HCN1: variants seen among roughly 807,000 people sequenced by gnomAD.
The protein encoded by HCN1 is hyperpolarization activated cyclic nucleotide gated potassium channel 1.
In HCN1, 13 loss-of-function variants were observed where a neutral mutation model predicts 78.9. That is an observed-to-expected ratio of 0.16 (90% CI 0.11 to 0.26). The LOEUF (loss-of-function observed/expected upper bound fraction) is 0.26, where lower values mean the gene tolerates loss of function less well. Ranked by LOEUF, HCN1 falls within the 10% of genes least tolerant of loss-of-function variation. The probability of loss-of-function intolerance (pLI) is 1.00; values close to 1 mark genes in which losing one functional copy is unlikely to be tolerated. For missense variants in HCN1, 810 were observed against 1,154.3 expected, an observed-to-expected ratio of 0.70 and a Z score of 4.32; for synonymous variants, 552 against 455.5, an observed-to-expected ratio of 1.21 and a Z score of -2.70.
At chr5:45,263,602 T>A (rs1413040854) in intron 7 of HCN1, among the ~76,000 whole-genome samples, 1 of 152,134 alleles carries the variant, frequency 6.6e-6, no homozygotes, top group Non-Finnish European at 1.5e-5. Context: ...TGACCCAGTG[T>A]CTTACACCAG....
At chr5:45,383,556 A>C (rs1747854127) in intron 4 of HCN1, among the ~76,000 whole-genome samples, 1 of 152,042 alleles carries the variant, frequency 6.6e-6, no homozygotes, top group African/African-American at 2.4e-5. Flanking sequence ...TTAGCCAGGC[A>C]TGGTGGCACA....
At chr5:45,373,584 A>T (rs914187922) in intron 4 of HCN1, among the ~76,000 whole-genome samples, 1 of 138,744 alleles carries the variant, frequency 7.2e-6, no homozygotes, top group African/African-American at 2.7e-5. Context: ...CGTCATCTAT[A>T]ATATATTACA....
intron 3 of HCN1, among the ~76,000 whole-genome samples, chr5:45,426,468 C>T (rs922790432): frequency 6.6e-6 from 1 of 152,134 alleles, no homozygotes; most frequent in African/African-American, 2.4e-5. Flanking sequence ...TGAGTTTTAC[C>T]TGTGCTGTTC....
chr5:45,653,645 T>C (rs566625018), intron 1 of HCN1, among the ~76,000 whole-genome samples: 3 of 152,040 alleles, frequency 2.0e-5, no homozygotes, highest in Middle Eastern at 3.4e-3. Flanking sequence ...TTAGTATCTG[T>C]GTTAATGAGG....
chr5:45,423,540 C>G (rs1740271273), intron 3 of HCN1, among the ~76,000 whole-genome samples: 1 of 152,204 alleles, frequency 6.6e-6, no homozygotes, highest in Non-Finnish European at 1.5e-5. Flanking sequence ...TTCTACATGT[C>G]TGGAAAACTG....
intron 2 of HCN1, among the ~76,000 whole-genome samples, chr5:45,631,610 A>G (rs1469309487): frequency 6.6e-6 from 1 of 152,166 alleles, no homozygotes; most frequent in Non-Finnish European, 1.5e-5. Flanking sequence ...CTCACAGACT[A>G]CATACTGGAG....
At chr5:45,578,113 T>C (rs1202475640) in intron 2 of HCN1, among the ~76,000 whole-genome samples, 1 of 151,892 alleles carries the variant, frequency 6.6e-6, no homozygotes, top group African/African-American at 2.4e-5. Context: ...TAAGAAAAGG[T>C]TTAGTTGTTG....
At chr5:45,464,758 C>G (rs1741233792) in intron 2 of HCN1, among the ~76,000 whole-genome samples, 1 of 152,050 alleles carries the variant, frequency 6.6e-6, no homozygotes, top group Non-Finnish European at 1.5e-5. Context: ...GATACTCTGG[C>G]AGGCATAATC....
At chr5:45,480,282 C>G (rs1741620947) in intron 2 of HCN1, 1 of 152,244 alleles carries the variant, frequency 6.6e-6, no homozygotes, top group Admixed American at 6.5e-5. Context: ...CCTGACACCC[C>G]ATGCTTCCAT....
chr5:45,582,376 C>T (rs1237716299), intron 2 of HCN1, among the ~76,000 whole-genome samples: 1 of 152,066 alleles, frequency 6.6e-6, no homozygotes, highest in Admixed American at 6.6e-5. Flanking sequence ...ATTTTGTATC[C>T]TGAGACTTTG....
intron 2 of HCN1, among the ~76,000 whole-genome samples, chr5:45,507,310 C>T (rs978806885): frequency 6.6e-6 from 1 of 152,132 alleles, no homozygotes; most frequent in Admixed American, 6.6e-5. Context: ...CAGCCAAGTT[C>T]CAATTCATCA....
rs34016747 is a variant in HCN1 at position 45,271,359 on chromosome 5, T to TACACACACACAC, written c.1619-4118_1619-4107dup. Among the ~76,000 whole-genome samples the TACACACACACAC allele has an allele frequency of 1.9e-4, 26 of 137,408 alleles. No individual in the cohort carries two copies. The South Asian group carries it at 2.3e-3, about 12-fold the overall frequency. The allele number at this position is 137,408 out of a possible 152,430, so 90.1% of individuals were successfully genotyped here. On this transcript the variant is annotated intron_variant, in intron 6 of 7. Coordinates refer to ENST00000303230, the MANE Select transcript of HCN1 (RefSeq NM_021072.4). ...ATGTCTGGTTTCCTGCTGATTCAGG[T>TACACACACACAC]ACACACACACACACACACACACACA...
chr5:45,448,740 T>C (rs1054024460), intron 3 of HCN1, among the ~76,000 whole-genome samples: 1 of 152,182 alleles, frequency 6.6e-6, no homozygotes, highest in Non-Finnish European at 1.5e-5. Flanking sequence ...TACCAATACA[T>C]TGATAGGGAA....
At chr5:45,510,623 C>G (rs989774754) in intron 2 of HCN1, among the ~76,000 whole-genome samples, 1 of 151,938 alleles carries the variant, frequency 6.6e-6, no homozygotes, top group Non-Finnish European at 1.5e-5. Flanking sequence ...AATTTTACTC[C>G]TCTCTCGTTT....
At chr5:45,675,696 T>C (rs150075388) in intron 1 of HCN1, among the ~76,000 whole-genome samples, 1 of 151,854 alleles carries the variant, frequency 6.6e-6, no homozygotes, top group Admixed American at 6.6e-5. Flanking sequence ...AGGCCATCTC[T>C]ATAGCTCCCA....
rs556262571 is a variant in HCN1, at chr5:45,291,742, C to T, written c.1618+11857G>A. ...ACAGGGTCTCACTATGTTGCTCAGG[C>T]TTGTCTTGAACTCCTGGGATCAAGT... On this transcript the variant is annotated intron_variant, in intron 6 of 7. Coordinates refer to ENST00000303230, the MANE Select transcript of HCN1 (RefSeq NM_021072.4). Among the ~76,000 whole-genome samples, 24 of 151,946 alleles carry T rather than the reference C, an allele frequency of 1.6e-4. 1 individual carries two copies. The East Asian group carries it at 4.7e-3, about 30-fold the overall frequency.
At chr5:45,392,725 A>G (rs1739603970) in intron 4 of HCN1, among the ~76,000 whole-genome samples, 1 of 151,750 alleles carries the variant, frequency 6.6e-6, no homozygotes, top group Admixed American at 6.6e-5. Flanking sequence ...GGTGCAGATT[A>G]CAGTGAGCCA....
intron 5 of HCN1, among the ~76,000 whole-genome samples, chr5:45,324,932 C>A (rs1156341317): frequency 6.6e-6 from 1 of 151,738 alleles, no homozygotes; most frequent in South Asian, 2.1e-4. Context: ...AGCTTCTACT[C>A]CTTTGGAGCA....
chr5:45,392,073 C>T (rs2112035882), intron 4 of HCN1, among the ~76,000 whole-genome samples: 1 of 152,148 alleles, frequency 6.6e-6, no homozygotes, highest in Non-Finnish European at 1.5e-5. Context: ...CCAAATTTTT[C>T]TTGAAGAGCA....
Sources: allele counts gnomAD v4.1 joint callset (sites outside exome capture counted in the v4.1 genomes callset), GRCh38; gene constraint gnomAD v4.1.1; transcripts MANE v1.5; gene names NCBI Gene and HGNC (gene_info 2026-07-23, HGNC 2026-07-21).